The following NOL4 variants were observed in gnomAD, a reference collection of about 807,000 sequenced individuals.
NOL4 encodes the protein cancer/testis antigen 125.
NOL4 carries 17 observed loss-of-function variants against 75.9 expected under a neutral mutation model. The observed-to-expected ratio is 0.22, with a 90% confidence interval of 0.15 to 0.34. The LOEUF is 0.34. Among genes scored for constraint, NOL4 ranks in the 10% least tolerant of loss-of-function variants. The pLI is 1.00. For missense variants in NOL4, 614 were observed against 793.5 expected (o/e 0.77, Z 2.72); for synonymous variants, 292 against 289.9 (o/e 1.01, Z -0.07).
chr18:33,922,888 G>A (rs949826244), intron 9 of NOL4, among the ~76,000 whole-genome samples: 4 of 151,900 alleles, frequency 2.6e-5, no homozygotes, highest in East Asian at 3.9e-4. Context: ...TCTAAATATC[G>A]AATTTAATTT....
intron 5 of NOL4, among the ~76,000 whole-genome samples, chr18:34,091,113 G>C (rs1026319977): frequency 2.0e-5 from 3 of 151,560 alleles, no homozygotes; most frequent in Non-Finnish European, 4.4e-5. Flanking sequence ...ACTTTGGGAG[G>C]CTGAGACGGG....
intron 6 of NOL4, among the ~76,000 whole-genome samples, chr18:34,014,367 C>T (rs538121772): frequency 6.6e-6 from 1 of 151,986 alleles, no homozygotes; most frequent in Admixed American, 6.6e-5. Context: ...ACGTGCCCAC[C>T]GCAGTCCTTA....
At chr18:34,203,095 G>T (rs1374638050) in intron 1 of NOL4, among the ~76,000 whole-genome samples, 1 of 151,950 alleles carries the variant, frequency 6.6e-6, no homozygotes, top group Non-Finnish European at 1.5e-5. Context: ...ATGAAATACT[G>T]CTCAGTAACA....
rs150681345 is a variant in NOL4 at position 34,087,934 on chromosome 18, T to C, written c.772+5531A>G. 5.3e-3 allele frequency among the ~76,000 whole-genome samples: 805 copies of C among 152,118 alleles called. 4 individuals are homozygous for C. The highest frequency in any genetic ancestry group is 0.01 in the Admixed American group (157 of 15,270). On this transcript the variant is annotated intron_variant, in intron 5 of 10. Transcript: ENST00000261592. Reference sequence around the variant, plus strand: ...ATTTCTTAATAGCTTTTATAGCTGATTAAGCTGACATACAGAGAATTTAAG... The same window carrying C: ...ATTTCTTAATAGCTTTTATAGCTGACTAAGCTGACATACAGAGAATTTAAG...
chr18:33,937,045 C>A (rs67537013), intron 9 of NOL4, among the ~76,000 whole-genome samples: 28,206 of 151,766 alleles, frequency 0.19, 3,163 homozygotes, highest in East Asian at 0.4. Context: ...ACTCTAAATG[C>A]GAAATCTGGC....
intron 1 of NOL4, among the ~76,000 whole-genome samples, chr18:34,136,844 C>T (rs550159775): frequency 4.6e-5 from 7 of 151,760 alleles, no homozygotes; most frequent in Non-Finnish European, 1.0e-4. Flanking sequence ...TTCAAGGAAA[C>T]GAGATTAGCC....
chr18:34,010,515 A>C (rs2074310713), intron 6 of NOL4, among the ~76,000 whole-genome samples: 1 of 151,924 alleles, frequency 6.6e-6, no homozygotes, highest in African/African-American at 2.4e-5. Context: ...TATATCTATA[A>C]CATACAATTT....
At chr18:33,895,733 T>A (rs1414783382) in intron 9 of NOL4, among the ~76,000 whole-genome samples, 1 of 152,128 alleles carries the variant, frequency 6.6e-6, no homozygotes, top group East Asian at 1.9e-4. Flanking sequence ...GCATTTCTTT[T>A]GAAAACCAGT....
Position 33,852,976 on chromosome 18 carries a change from A to C in NOL4, c.1783T>G (p.Ser595Ala), listed in dbSNP as rs773782900. The C allele has an allele frequency of 6.2e-7, 1 of 1,613,168 alleles. No individual in the cohort carries two copies. Among genetic ancestry groups the C allele is most frequent in the South Asian group, 1.1e-5 (1 of 91,062 alleles). Residue 595 changes from serine to alanine, a missense_variant, in exon 11 of 11, where the codon TCA (serine) becomes GCA (alanine). Around this residue, in one of 9 missense-constraint regions of NOL4, gnomAD observed 128 missense variants for 159.9 expected, o/e 0.80. Coordinates refer to ENST00000261592, the MANE Select transcript of NOL4 (RefSeq NM_003787.5). ...GGACTCAGCTGGGGTCTGGAGTTTGAGCTGCTGGAGGATCCTGAGCTAGTC... is the reference window on the plus strand; with the variant it reads ...GGACTCAGCTGGGGTCTGGAGTTTGCGCTGCTGGAGGATCCTGAGCTAGTC... ...LATSSGSSSS[S>A]NSRPQLSPTE...
chr18:33,935,377 G>A (rs1354990729), intron 9 of NOL4, among the ~76,000 whole-genome samples: 1 of 152,006 alleles, frequency 6.6e-6, no homozygotes, highest in Non-Finnish European at 1.5e-5. Context: ...ATTATCAATT[G>A]GCCTAATTTC....
At chr18:33,882,080 T>C (rs1311898301) in intron 10 of NOL4, among the ~76,000 whole-genome samples, 1 of 152,108 alleles carries the variant, frequency 6.6e-6, no homozygotes, top group Non-Finnish European at 1.5e-5. Flanking sequence ...ACTTAAACGT[T>C]AGACCTAAAA....
At chr18:33,905,162 A>G (rs2065959823) in intron 9 of NOL4, among the ~76,000 whole-genome samples, 1 of 152,134 alleles carries the variant, frequency 6.6e-6, no homozygotes, top group Non-Finnish European at 1.5e-5. Flanking sequence ...GCAATTGCCA[A>G]ATATGTTAAC....
intron 6 of NOL4, among the ~76,000 whole-genome samples, chr18:33,972,150 T>C (rs892875763): frequency 2.7e-5 from 4 of 149,000 alleles, no homozygotes; most frequent in Non-Finnish European, 5.9e-5. Flanking sequence ...GGAGATAGAG[T>C]GAGACTCTGT....
intron 5 of NOL4, among the ~76,000 whole-genome samples, chr18:34,070,026 C>CTTGTT (rs1027274288): frequency 5.9e-5 from 9 of 152,100 alleles, no homozygotes; most frequent in East Asian, 3.9e-4. Context: ...GTAGCCTTGC[C>CTTGTT]TTGTTTTGTT....
In NOL4 at chr18:34,130,030, AAAC is replaced by A. The variant is rs749239017; in HGVS notation, c.265-13_265-11del. On this transcript the variant is annotated splice_polypyrimidine_tract_variant and intron_variant, in intron 1 of 10. Transcript: ENST00000261592. The stretch of plus-strand genomic sequence containing the variant: ...CTACCCCTACGCCATCCTGGAAACA[AAAC>A]AACAACAACAAAAACCCATAAGATT... The A allele has an allele frequency of 2.5e-4, 388 of 1,526,672 alleles. 1 individual carries two copies. In the African/African-American group the frequency reaches 4.5e-3, roughly 18 times the overall value. The allele number at this position is 1,526,672 out of a possible 1,614,324, so 94.6% of individuals were successfully genotyped here.
At chr18:34,171,838 C>A (rs2033070250) in intron 1 of NOL4, among the ~76,000 whole-genome samples, 1 of 152,080 alleles carries the variant, frequency 6.6e-6, no homozygotes, top group Admixed American at 6.6e-5. Flanking sequence ...TTTTATCAAG[C>A]AGCATTAAAT....
chr18:34,066,389 T>C (rs975253648), intron 5 of NOL4, among the ~76,000 whole-genome samples: 5 of 151,962 alleles, frequency 3.3e-5, no homozygotes, highest in African/African-American at 1.2e-4. Context: ...AATTTTTCTG[T>C]GTCCAATTAT....
At chr18:33,917,678 A>T (rs1476320286) in intron 9 of NOL4, among the ~76,000 whole-genome samples, 1 of 151,534 alleles carries the variant, frequency 6.6e-6, no homozygotes, top group Non-Finnish European at 1.5e-5. Context: ...TTTTATTTTA[A>T]TGCTTAGTAG....
chr18:33,958,940 G>T (rs2069880100), intron 6 of NOL4, among the ~76,000 whole-genome samples: 1 of 152,098 alleles, frequency 6.6e-6, no homozygotes, highest in African/African-American at 2.4e-5. Context: ...TACCCAGCAA[G>T]AGCTATACAA....
Sources: allele counts gnomAD v4.1 joint callset (sites outside exome capture counted in the v4.1 genomes callset), GRCh38; gene constraint gnomAD v4.1.1; regional missense constraint gnomAD v4.1.1; transcripts MANE v1.5; gene names NCBI Gene and HGNC (gene_info 2026-07-23, HGNC 2026-07-21).